The following ADCY2 variants were observed in gnomAD, a reference collection of about 807,000 sequenced individuals.
ADCY2 encodes the protein adenylate cyclase 2.
A neutral mutation model predicts 125.2 loss-of-function variants in ADCY2; 31 were observed. The observed-to-expected ratio is 0.25, with a 90% confidence interval of 0.19 to 0.33. ADCY2 has a LOEUF of 0.33. Among genes scored for constraint, ADCY2 ranks in the 10% least tolerant of loss-of-function variants. ADCY2 has a pLI of 1.00. For synonymous variants in ADCY2, 512 were observed against 548.4 expected, an observed-to-expected ratio of 0.93 and a Z score of 0.93; for missense variants, 904 against 1,418.2, an observed-to-expected ratio of 0.64 and a Z score of 5.82.
intron 2 of ADCY2, among the ~76,000 whole-genome samples, chr5:7,496,986 T>C (rs1380162190): frequency 6.6e-6 from 1 of 152,168 alleles, no homozygotes; most frequent in Admixed American, 6.5e-5. Flanking sequence ...ACTCAGGTCC[T>C]TATTAATTTC....
chr5:7,653,263 C>A (rs564824014), intron 4 of ADCY2, among the ~76,000 whole-genome samples: 1 of 152,130 alleles, frequency 6.6e-6, no homozygotes, highest in Non-Finnish European at 1.5e-5. Context: ...GGACTCGAGC[C>A]GGCCAGCCTG....
chr5:7,690,932 C>T (rs1384761438), intron 5 of ADCY2, 93 bp downstream of exon 5: 2 of 1,336,844 alleles, frequency 1.5e-6, no homozygotes, highest in Non-Finnish European at 2.0e-6. Flanking sequence ...CACCATCTCT[C>T]CTTTGTGACA....
intron 2 of ADCY2, among the ~76,000 whole-genome samples, chr5:7,433,753 G>C (rs1287284845): frequency 6.6e-6 from 1 of 152,128 alleles, no homozygotes; most frequent in African/African-American, 2.4e-5. Flanking sequence ...GAACAGAATG[G>C]AGAGCTCAGA....
At chr5:7,714,203 G>A (rs754378194) in intron 11 of ADCY2, among the ~76,000 whole-genome samples, 5 of 152,142 alleles carry the variant, frequency 3.3e-5, no homozygotes, top group African/African-American at 1.2e-4. Flanking sequence ...GAGACAGCAC[G>A]GTGCCTCTGG....
At chr5:7,519,304 C>T (rs1047467991) in intron 2 of ADCY2, among the ~76,000 whole-genome samples, 1 of 152,208 alleles carries the variant, frequency 6.6e-6, no homozygotes, top group East Asian at 1.9e-4. Flanking sequence ...ACATTCTTCT[C>T]AGGAGCTCAC....
intron 2 of ADCY2, among the ~76,000 whole-genome samples, chr5:7,485,148 T>C (rs1742876887): frequency 6.6e-6 from 1 of 152,196 alleles, no homozygotes; most frequent in Non-Finnish European, 1.5e-5. Context: ...TTATACCTGC[T>C]GTACACAGGG....
At chr5:7,694,446 C>G (rs1178556913) in intron 5 of ADCY2, among the ~76,000 whole-genome samples, 1 of 152,134 alleles carries the variant, frequency 6.6e-6, no homozygotes, top group African/African-American at 2.4e-5. Context: ...CCACAACTCC[C>G]CCTCCCCCAA....
chr5:7,547,666 C>T (rs985010127), intron 3 of ADCY2, among the ~76,000 whole-genome samples: 1 of 152,200 alleles, frequency 6.6e-6, no homozygotes, highest in Non-Finnish European at 1.5e-5. Flanking sequence ...AGCAGGTGAT[C>T]TTTACCTGTG....
At chr5:7,719,375 G>A (rs896545454) in intron 12 of ADCY2, among the ~76,000 whole-genome samples, 2 of 152,130 alleles carry the variant, frequency 1.3e-5, no homozygotes, top group Non-Finnish European at 2.9e-5. Context: ...TCAAATGGAA[G>A]CTCTTATGCA....
chr5:7,457,229 C>T (rs186654496), intron 2 of ADCY2, among the ~76,000 whole-genome samples: 1 of 152,158 alleles, frequency 6.6e-6, no homozygotes, highest in East Asian at 1.9e-4. Flanking sequence ...GGATGAAAAC[C>T]TGCCATATCA....
intron 11 of ADCY2, among the ~76,000 whole-genome samples, chr5:7,716,021 G>C (rs1489537672): frequency 6.6e-6 from 1 of 152,130 alleles, no homozygotes; most frequent in Non-Finnish European, 1.5e-5. Flanking sequence ...TCTTTGCAGT[G>C]GATATTTAAC....
At chr5:7,696,284 A>G (rs1357964931) in intron 6 of ADCY2, among the ~76,000 whole-genome samples, 1 of 152,174 alleles carries the variant, frequency 6.6e-6, no homozygotes, top group Non-Finnish European at 1.5e-5. Flanking sequence ...AGGACCCTGG[A>G]AGAGTTCCTG....
chr5:7,606,853 C>T (rs952915063), intron 3 of ADCY2, among the ~76,000 whole-genome samples: 1 of 151,842 alleles, frequency 6.6e-6, no homozygotes, highest in African/African-American at 2.4e-5. Context: ...TTAAATATTC[C>T]TTTAGAAGTT....
chr5:7,502,038 G>A (rs372404571), intron 2 of ADCY2, among the ~76,000 whole-genome samples: 93 of 152,238 alleles, frequency 6.1e-4, no homozygotes, highest in African/African-American at 1.9e-3. Context: ...CAACCACGCT[G>A]TACCCTGGAG....
intron 18 of ADCY2, among the ~76,000 whole-genome samples, chr5:7,776,512 C>CCAG (rs1743732943): frequency 6.6e-6 from 1 of 152,196 alleles, no homozygotes; most frequent in Non-Finnish European, 1.5e-5. Flanking sequence ...GGCCCCTAGA[C>CCAG]CTGCTCCTCA....
chr5:7,469,574 T>C (rs1324981482), intron 2 of ADCY2, among the ~76,000 whole-genome samples: 1 of 151,914 alleles, frequency 6.6e-6, no homozygotes, highest in Non-Finnish European at 1.5e-5. Context: ...GTGCTATTTC[T>C]AGGAGAAAGA....
chr5:7,730,759 T>C (rs7722221), intron 14 of ADCY2, among the ~76,000 whole-genome samples: 68,167 of 151,888 alleles, frequency 0.45, 16,401 homozygotes, highest in East Asian at 0.94. Context: ...TCTGTCAGTC[T>C]CATTACATTC....
chr5:7,622,096 T>TG (rs1455733939), intron 3 of ADCY2, among the ~76,000 whole-genome samples: 1 of 152,244 alleles, frequency 6.6e-6, no homozygotes, highest in East Asian at 1.9e-4. Context: ...GATGGTATGA[T>TG]GTTATAAAAC....
At chr5:7,637,036 G>A (rs1738529122) in intron 4 of ADCY2, among the ~76,000 whole-genome samples, 1 of 152,146 alleles carries the variant, frequency 6.6e-6, no homozygotes, top group Admixed American at 6.5e-5. Context: ...TCTTAATAAT[G>A]CATCTTTGGT....
Sources: allele counts gnomAD v4.1 joint callset (sites outside exome capture counted in the v4.1 genomes callset), GRCh38; gene constraint gnomAD v4.1.1; transcripts MANE v1.5; gene names NCBI Gene and HGNC (gene_info 2026-07-23, HGNC 2026-07-21).